The following SEH1L variants were observed in gnomAD, a reference collection of about 807,000 sequenced individuals.
SEH1L encodes nucleoporin SEH1.
Under a neutral mutation model 49.5 loss-of-function variants are expected in SEH1L, and 18 were observed. The observed-to-expected ratio is 0.36, with a 90% CI of 0.25 to 0.54. SEH1L has a LOEUF of 0.54. SEH1L is among the 20% of genes least tolerant of loss of function. The probability of loss-of-function intolerance (pLI) is 0.87; values close to 1 mark genes in which losing one functional copy is unlikely to be tolerated. For synonymous variants in SEH1L, 169 were observed against 178.1 expected, an observed-to-expected ratio of 0.95 and a Z score of 0.41; for missense variants, 404 against 528.8, an observed-to-expected ratio of 0.76 and a Z score of 2.31.
chr18:12,951,743 T>G (rs550292299), intron 1 of SEH1L, 112 bp from the exon 2 acceptor site: 1 of 678,806 alleles, frequency 1.5e-6, no homozygotes, highest in East Asian at 3.0e-5. Context: ...GATTGTGTTC[T>G]TTTGTTAACT....
chr18:12,966,766 T>C (rs2031471442), intron 4 of SEH1L, among the ~76,000 whole-genome samples: 1 of 152,230 alleles, frequency 6.6e-6, no homozygotes. Context: ...TGGGGATATC[T>C]TATGATCCTT....
intron 1 of SEH1L, among the ~76,000 whole-genome samples, chr18:12,949,728 C>T (rs1424119110): frequency 1.3e-5 from 2 of 152,084 alleles, no homozygotes; most frequent in African/African-American, 4.8e-5. Flanking sequence ...GCTAGGATTA[C>T]GGGCGTGAGC....
At position 12,984,268 on chromosome 18, in the gene SEH1L, T is replaced by A. The variant is rs781535026; in HGVS notation, c.1070+78T>A. 32 of 1,413,626 alleles carry A rather than the reference T, an allele frequency of 2.3e-5. No individual in the cohort carries two copies. The African/African-American group carries it at 3.1e-4, about 14-fold the overall frequency. 87.6% of individuals were successfully genotyped at this position (1,413,626 alleles called of 1,614,324 possible). ...GTAGCCATACTTAAGGTGGATTATT[T>A]CATGGATTATAAGATGGAGTGGAAA... On this transcript the variant is annotated intron_variant, in intron 8 of 8. Coordinates refer to ENST00000399892, the MANE Select transcript of SEH1L (RefSeq NM_001013437.2).
chr18:12,948,202 G>A lies in SEH1L; in HGVS notation c.81G>A (p.Met27Ile). Residue 27 changes from methionine (M) to isoleucine (I), a missense_variant, in exon 1 of 9, where the codon ATG becomes ATA. Met to Ile is a conservative substitution (Grantham distance 10). Transcript: ENST00000399892. ...CTTTCGACTTCCACGGGCGGCGGAT[G>A]GCAACCTGCTCCAGCGATCAGAGCG... The part of the protein sequence containing the change: ...DVSFDFHGRR[M>I]ATCSSDQSVK... The A allele has an allele frequency of 6.2e-7, 1 of 1,611,992 alleles. No individual in the cohort carries two copies. Among genetic ancestry groups the A allele is most frequent in the Non-Finnish European group, 8.5e-7 (1 of 1,179,336 alleles).
rs762733325 is a variant in SEH1L, at chr18:12,978,791, T to A, written c.660T>A (p.Asp220Glu). The A allele has an allele frequency of 2.3e-5, 37 of 1,613,504 alleles. No homozygotes were observed. The highest frequency in any genetic ancestry group is 3.3e-5 in the Admixed American group (2 of 60,000). The change falls in exon 6 of 9, where the codon GAT becomes GAA. Residue 220 changes from aspartate to glutamate, a missense_variant. Physicochemically the swap from Asp to Glu is conservative, Grantham distance 45. Around this residue, in one of 3 missense-constraint regions of SEH1L, gnomAD observed 342 missense variants for 430.8 expected, o/e 0.79. Transcript: ENST00000399892. ...CTGAAACTCTTATGACAGTCACTGA[T>A]CCTGTTCATGATATTGCATTCGCTC... Reference protein sequence around the residue: ...AKAETLMTVTDPVHDIAFAPN... With the variant: ...AKAETLMTVTEPVHDIAFAPN...
At chr18:12,949,388 TGTA>T (rs753867750) in intron 1 of SEH1L, among the ~76,000 whole-genome samples, 10 of 151,672 alleles carry the variant, frequency 6.6e-5, no homozygotes, top group African/African-American at 9.7e-5. Flanking sequence ...TTTTAAAAGA[TGTA>T]GTTTCTTTTT....
At chr18:12,979,181 AGGTCTCT>A (rs2032055364) in intron 6 of SEH1L, among the ~76,000 whole-genome samples, 1 of 149,872 alleles carries the variant, frequency 6.7e-6, no homozygotes, top group Non-Finnish European at 1.5e-5. Flanking sequence ...AAGTGAACAA[AGGTCTCT>A]GGTTTTCCTA....
intron 3 of SEH1L, among the ~76,000 whole-genome samples, chr18:12,960,083 G>A (rs528185039): frequency 2.0e-5 from 3 of 152,280 alleles, no homozygotes; most frequent in South Asian, 4.1e-4. Flanking sequence ...CTCAGGTAAC[G>A]CCTTGAGCAA....
intron 6 of SEH1L, among the ~76,000 whole-genome samples, chr18:12,980,090 C>T (rs2032130399): frequency 1.6e-5 from 2 of 126,086 alleles, no homozygotes; most frequent in East Asian, 2.9e-4. Flanking sequence ...GGCTGACCCC[C>T]CCCCACCTCC....
At chr18:12,985,361 G>A in intron 8 of SEH1L, 2 of 1,522,914 alleles carry the variant, frequency 1.3e-6, no homozygotes, top group Non-Finnish European at 1.8e-6. Flanking sequence ...CCTCTCCCAA[G>A]ATACACCAGC....
At chr18:12,979,850 T>A (rs1239227213) in intron 6 of SEH1L, among the ~76,000 whole-genome samples, 1 of 118,726 alleles carries the variant, frequency 8.4e-6, no homozygotes, top group African/African-American at 3.2e-5. Flanking sequence ...ACCTCCCGAA[T>A]GGGGCGGCTG....
At chr18:12,948,848 C>CT (rs920060634) in intron 1 of SEH1L, 5,182 of 132,008 alleles carry the variant, frequency 0.039, 153 homozygotes, top group East Asian at 0.081. Context: ...AATTTCTTTT[C>CT]TTTTTTTTTT....
At chr18:12,956,211 A>G (rs2030848986) in intron 3 of SEH1L, among the ~76,000 whole-genome samples, 1 of 151,570 alleles carries the variant, frequency 6.6e-6, no homozygotes, top group Admixed American at 6.6e-5. Flanking sequence ...CGCCCATCTA[A>G]TTTTTTGCAT....
At chr18:12,983,251 A>G (rs192641715) in intron 7 of SEH1L, 2 of 152,406 alleles carry the variant, frequency 1.3e-5, no homozygotes, top group Admixed American at 6.5e-5. Flanking sequence ...TTTGTGCACC[A>G]CCATAGAATG....
chr18:12,981,202 C>A (rs868504521), intron 6 of SEH1L, among the ~76,000 whole-genome samples: 1 of 151,464 alleles, frequency 6.6e-6, no homozygotes, highest in Non-Finnish European at 1.5e-5. Flanking sequence ...CGGGCAGAGA[C>A]GCTCCTCACT....
chr18:12,964,211 A>G (rs2031328008), intron 4 of SEH1L, among the ~76,000 whole-genome samples: 1 of 152,168 alleles, frequency 6.6e-6, no homozygotes, highest in African/African-American at 2.4e-5. Context: ...CTTGGTGAAG[A>G]AAAAAATTGA....
chr18:12,967,062 G>A (rs1475548606), intron 4 of SEH1L, among the ~76,000 whole-genome samples: 1 of 152,108 alleles, frequency 6.6e-6, no homozygotes, highest in Non-Finnish European at 1.5e-5. Context: ...TTCTAGTGAA[G>A]ATTTTTTAAA....
intron 6 of SEH1L, among the ~76,000 whole-genome samples, chr18:12,979,221 T>TTCC (rs2032058169): frequency 3.5e-5 from 5 of 142,438 alleles, no homozygotes; most frequent in African/African-American, 1.1e-4. Flanking sequence ...TGCGGCCTTC[T>TTCC]GCAGTGTTTG....
intron 2 of SEH1L, among the ~76,000 whole-genome samples, 162 bp downstream of exon 2, chr18:12,952,067 A>G (rs1337024348): frequency 2.0e-5 from 3 of 152,056 alleles, no homozygotes; most frequent in African/African-American, 7.2e-5. Context: ...TGTGTTTCTC[A>G]GAATTTGAGA....
Sources: allele counts gnomAD v4.1 joint callset (sites outside exome capture counted in the v4.1 genomes callset), GRCh38; gene constraint gnomAD v4.1.1; regional missense constraint gnomAD v4.1.1; transcripts MANE v1.5; gene names NCBI Gene and HGNC (gene_info 2026-07-23, HGNC 2026-07-21).